Variants in FHIP1A observed in about 807,000 individuals in gnomAD.
FHIP1A encodes the protein FHF complex subunit HOOK-interacting protein 1A.
Under a neutral mutation model 88.6 loss-of-function variants are expected in FHIP1A, and 61 were observed. That is an observed-to-expected ratio of 0.69 (90% CI 0.56 to 0.85). FHIP1A has a LOEUF of 0.85. Among genes scored for constraint, FHIP1A ranks in the 40% least tolerant of loss-of-function variants. FHIP1A has a pLI of 0.00. For missense variants in FHIP1A, 1,154 were observed against 1,273.5 expected, an observed-to-expected ratio of 0.91 and a Z score of 1.43; for synonymous variants, 478 against 496.0, an observed-to-expected ratio of 0.96 and a Z score of 0.48.
In FHIP1A at chr4:151,650,580, A is replaced by C; in HGVS notation, c.2539A>C (p.Thr847Pro). The C allele has an allele frequency of 6.5e-7, 1 of 1,549,228 alleles. No homozygotes were observed. Among genetic ancestry groups the C allele is most frequent in the Non-Finnish European group, 8.7e-7 (1 of 1,145,886 alleles). Residue 847 changes from threonine (T) to proline (P), a missense_variant, in exon 11 of 14, where the codon ACC becomes CCC. Physicochemically the swap from Thr to Pro is conservative, Grantham distance 38 (BLOSUM62 -1). Transcript: ENST00000435205. ...ASRHPVRTQS[T>P]PFTGPFISVV... Reference sequence around the variant, plus strand: ...TCGCCATCCCGTGAGGACTCAAAGCACCCCATTCACAGGTGACCATCTTAA... The same window carrying C: ...TCGCCATCCCGTGAGGACTCAAAGCCCCCCATTCACAGGTGACCATCTTAA...
rs900789886 is a variant in FHIP1A, at chr4:151,665,817, T to A, written c.*3063T>A. ...TGAGTTGGGGGGAAAATCTTAAATATGTTTGGCATGCTTAAAGATATGGTC... is the reference window on the plus strand; with the variant it reads ...TGAGTTGGGGGGAAAATCTTAAATAAGTTTGGCATGCTTAAAGATATGGTC... On this transcript the variant is annotated 3_prime_UTR_variant, in exon 14 of 14. Coordinates refer to ENST00000435205, the MANE Select transcript of FHIP1A (RefSeq NM_001109977.3). Among the ~76,000 whole-genome samples, 3 of 152,202 alleles carry A rather than the reference T, an allele frequency of 2.0e-5. No individual in the cohort carries two copies. Among genetic ancestry groups the A allele is most frequent in the African/African-American group, 7.2e-5 (3 of 41,452 alleles).
At chr4:151,654,088 A>G (rs556571288) in intron 11 of FHIP1A, among the ~76,000 whole-genome samples, 10 of 136,512 alleles carry the variant, frequency 7.3e-5, no homozygotes, top group East Asian at 6.2e-4. Flanking sequence ...TTTTTTTTTT[A>G]GTGCTAGAAA....
chr4:151,647,646 T>G (rs556231525), intron 10 of FHIP1A, among the ~76,000 whole-genome samples: 29 of 152,256 alleles, frequency 1.9e-4, no homozygotes, highest in African/African-American at 7.0e-4. Context: ...TATATAAAGA[T>G]GCATGGAAAT....
intron 2 of FHIP1A, among the ~76,000 whole-genome samples, chr4:151,480,300 C>A (rs1729848896): frequency 6.6e-6 from 1 of 151,950 alleles, no homozygotes; most frequent in South Asian, 2.1e-4. Context: ...TGCCTTATTA[C>A]CTAAGTAAAA....
intron 10 of FHIP1A, among the ~76,000 whole-genome samples, chr4:151,648,177 T>G (rs1736868115): frequency 6.6e-6 from 1 of 152,198 alleles, no homozygotes; most frequent in Admixed American, 6.5e-5. Flanking sequence ...CTTGGTTCTA[T>G]GTCTTGGTTC....
At position 151,666,572 on chromosome 4, in the gene FHIP1A, T is replaced by C. The variant is rs1196540154; in HGVS notation, c.*3818T>C. Among the ~76,000 whole-genome samples the C allele has an allele frequency of 6.6e-6, 1 of 152,222 alleles. No homozygotes were observed. Among genetic ancestry groups the C allele is most frequent in the Non-Finnish European group, 1.5e-5 (1 of 68,034 alleles). ...TTATGAACAGAATCTAGAAACAGGCTACATGAATATTGGGGTTGCCTGTTT... is the reference window on the plus strand; with the variant it reads ...TTATGAACAGAATCTAGAAACAGGCCACATGAATATTGGGGTTGCCTGTTT... On this transcript the variant is annotated 3_prime_UTR_variant, in exon 14 of 14. Transcript: ENST00000435205.
At chr4:151,500,739 A>G (rs1164329388) in intron 3 of FHIP1A, among the ~76,000 whole-genome samples, 1 of 152,222 alleles carries the variant, frequency 6.6e-6, no homozygotes, top group African/African-American at 2.4e-5. Context: ...AGATATTTTT[A>G]GATCATTCCA....
At chr4:151,555,626 A>G (rs1732918310) in intron 3 of FHIP1A, among the ~76,000 whole-genome samples, 1 of 152,200 alleles carries the variant, frequency 6.6e-6, no homozygotes, top group African/African-American at 2.4e-5. Context: ...AAATTAAATT[A>G]TGAGAAAAAT....
intron 3 of FHIP1A, among the ~76,000 whole-genome samples, chr4:151,519,440 T>C (rs2126692476): frequency 6.6e-6 from 1 of 152,320 alleles, no homozygotes; most frequent in African/African-American, 2.4e-5. Context: ...TGCTGAGTAC[T>C]ATTTCATTGT....
chr4:151,594,259 A>G (rs570051867), intron 7 of FHIP1A, among the ~76,000 whole-genome samples: 2 of 152,312 alleles, frequency 1.3e-5, no homozygotes, highest in South Asian at 4.1e-4. Context: ...GCTTCATAAA[A>G]TGAGTTAGGG....
At chr4:151,530,258 G>A (rs568686596) in intron 3 of FHIP1A, among the ~76,000 whole-genome samples, 1 of 152,030 alleles carries the variant, frequency 6.6e-6, no homozygotes, top group African/African-American at 2.4e-5. Flanking sequence ...CCCTTCACAG[G>A]TTCTGTACAC....
intron 1 of FHIP1A, among the ~76,000 whole-genome samples, chr4:151,453,499 T>A (rs1291831777): frequency 6.6e-6 from 1 of 152,188 alleles, no homozygotes; most frequent in Admixed American, 6.5e-5. Context: ...CCGTACAAGT[T>A]TATTGTATGC....
chr4:151,436,212 T>C (rs1270862095), intron 1 of FHIP1A, among the ~76,000 whole-genome samples: 1 of 152,154 alleles, frequency 6.6e-6, no homozygotes, highest in Non-Finnish European at 1.5e-5. Flanking sequence ...TGGTTTTCAT[T>C]AGAGTTTCTC....
intron 1 of FHIP1A, among the ~76,000 whole-genome samples, chr4:151,422,875 G>A (rs1324675166): frequency 1.3e-5 from 2 of 151,986 alleles, no homozygotes; most frequent in Non-Finnish European, 2.9e-5. Context: ...GATCAGAGCT[G>A]GTGACTTTTA....
chr4:151,472,410 G>T (rs1258590000), intron 2 of FHIP1A, among the ~76,000 whole-genome samples: 3 of 151,968 alleles, frequency 2.0e-5, no homozygotes, highest in African/African-American at 7.2e-5. Flanking sequence ...TCAACACTTG[G>T]TCCATTTTTT....
At chr4:151,632,040 G>A (rs1222384990) in intron 8 of FHIP1A, among the ~76,000 whole-genome samples, 1 of 152,006 alleles carries the variant, frequency 6.6e-6, no homozygotes, top group Non-Finnish European at 1.5e-5. Context: ...AGCATATACT[G>A]TCTAAAAGAC....
chr4:151,656,414 T>A lies in FHIP1A; in HGVS notation c.2730+4T>A. The A allele has an allele frequency of 1.3e-6, 2 of 1,551,474 alleles. No homozygotes were observed. Reference sequence around the variant, plus strand: ...AAGCGTCCGCTCTCTCTATCAGGTATGTTAGCTGAACCCACATCCACACCT... The same window carrying A: ...AAGCGTCCGCTCTCTCTATCAGGTAAGTTAGCTGAACCCACATCCACACCT... On this transcript the variant is annotated splice_donor_region_variant and intron_variant, in intron 12 of 13. Coordinates refer to ENST00000435205, the MANE Select transcript of FHIP1A (RefSeq NM_001109977.3). This position sits in a 1 kb window ranked among gnomAD's most constrained non-coding sequence, Gnocchi z 4.2.
At chr4:151,652,760 A>G (rs957850462) in intron 11 of FHIP1A, among the ~76,000 whole-genome samples, 2 of 152,220 alleles carry the variant, frequency 1.3e-5, no homozygotes, top group African/African-American at 4.8e-5. Flanking sequence ...GTCCAGGCAG[A>G]GGAGACACCA....
chr4:151,580,630 A>T (rs1017901370), intron 5 of FHIP1A, among the ~76,000 whole-genome samples: 24 of 152,324 alleles, frequency 1.6e-4, no homozygotes, highest in African/African-American at 5.5e-4. Flanking sequence ...TCTGGCTTGG[A>T]GAAATCTGGC....
Sources: gnomAD v4.1 joint callset for allele counts (sites outside exome capture counted in the v4.1 genomes callset) on GRCh38, gnomAD v4.1.1 for gene constraint, Gnocchi (gnomAD v3.1) non-coding constraint, MANE v1.5 for transcripts, NCBI Gene and HGNC (gene_info 2026-07-23, HGNC 2026-07-21) for gene names.